AFAP1: variants seen among roughly 807,000 people sequenced by gnomAD.
AFAP1 encodes actin filament-associated protein 1.
In AFAP1, 75 loss-of-function variants were observed where a neutral mutation model predicts 93.9. The observed-to-expected ratio is 0.80, with a 90% CI of 0.66 to 0.97. AFAP1 has a LOEUF of 0.97. Ranked by LOEUF, AFAP1 falls within the 50% of genes least tolerant of loss-of-function variation. The probability of loss-of-function intolerance (pLI) is 0.00; values close to 1 mark genes in which losing one functional copy is unlikely to be tolerated. For synonymous variants in AFAP1, 517 were observed against 430.7 expected, an observed-to-expected ratio of 1.20 and a Z score of -2.48; for missense variants, 1,201 against 1,050.8, an observed-to-expected ratio of 1.14 and a Z score of -1.98.
chr4:7,935,681 C>A (rs1721335926), intron 1 of AFAP1, among the ~76,000 whole-genome samples: 1 of 152,176 alleles, frequency 6.6e-6, no homozygotes, highest in Non-Finnish European at 1.5e-5. Context: ...ATGAAACACT[C>A]CTAGCAGCCA....
At chr4:7,893,580 CAAAA>C (rs11331784) in intron 1 of AFAP1, among the ~76,000 whole-genome samples, 8 of 106,230 alleles carry the variant, frequency 7.5e-5, no homozygotes, top group Non-Finnish European at 1.1e-4. Context: ...GACTCTGTCT[CAAAA>C]AAAAAAAAAA....
chr4:7,775,594 A>T (rs1716019043), intron 14 of AFAP1: 1 of 148,964 alleles, frequency 6.7e-6, no homozygotes, highest in Non-Finnish European at 1.5e-5. Flanking sequence ...CCCGGCACGG[A>T]GTGTGGCACA....
chr4:7,769,014 C>A lies in AFAP1; in HGVS notation c.2254-6G>T. On this transcript the variant is annotated splice_region_variant and splice_polypyrimidine_tract_variant and intron_variant, in intron 16 of 17. Transcript: ENST00000420658. ...CGGTGCCGGAACACTGGAGACTTAA[C>A]GGAGAGAGAGAACCCCATGTGATGA... The A allele has an allele frequency of 6.3e-7, 1 of 1,599,358 alleles. No homozygotes were observed. The highest frequency in any genetic ancestry group is 8.6e-7 in the Non-Finnish European group (1 of 1,169,268).
At chr4:7,789,298 A>G (rs1485735459) in intron 11 of AFAP1, among the ~76,000 whole-genome samples, 5 of 152,168 alleles carry the variant, frequency 3.3e-5, no homozygotes, top group African/African-American at 1.2e-4. Flanking sequence ...ACCAGGAGAG[A>G]GTCAAGTGGA....
At chr4:7,807,357 C>A (rs188602169) in intron 9 of AFAP1, among the ~76,000 whole-genome samples, 6 of 152,324 alleles carry the variant, frequency 3.9e-5, no homozygotes, top group Non-Finnish European at 8.8e-5. Flanking sequence ...ACCTTCCATG[C>A]GCTCCAAGAA....
intron 17 of AFAP1, among the ~76,000 whole-genome samples, chr4:7,766,502 G>A (rs34271107): frequency 0.019 from 2,916 of 152,270 alleles, 47 homozygotes; most frequent in Middle Eastern, 0.041. Context: ...ATGAGAACCT[G>A]TATCCTCCAC....
intron 3 of AFAP1, among the ~76,000 whole-genome samples, chr4:7,860,273 G>C (rs1271781060): frequency 6.6e-6 from 1 of 151,624 alleles, no homozygotes; most frequent in Non-Finnish European, 1.5e-5. Context: ...TTTTGTGTGT[G>C]TGTGTGTATA....
rs562666765 is a variant in AFAP1, at chr4:7,767,182, G to A, written c.2418+1662C>T. Among the ~76,000 whole-genome samples, 328 of 152,262 alleles carry A rather than the reference G, an allele frequency of 2.2e-3. 3 individuals carry two copies. The highest frequency in any genetic ancestry group is 8.2e-3 in the Admixed American group (126 of 15,298). On this transcript the variant is annotated intron_variant, in intron 17 of 17. Coordinates refer to ENST00000420658, the MANE Select transcript of AFAP1 (RefSeq NM_001134647.2). ...AGCTGGAGGGACGAGAGCAGCTTCCGCTGTTTTCTGGACCTATCAGTGGGG... is the reference window on the plus strand; with the variant it reads ...AGCTGGAGGGACGAGAGCAGCTTCCACTGTTTTCTGGACCTATCAGTGGGG...
chr4:7,925,924 C>T (rs1006949872), intron 1 of AFAP1, among the ~76,000 whole-genome samples: 2 of 152,150 alleles, frequency 1.3e-5, no homozygotes, highest in Non-Finnish European at 2.9e-5. Context: ...CCTCTATCTT[C>T]ATCTTTAATA....
At chr4:7,926,721 C>T (rs1037899551) in intron 1 of AFAP1, among the ~76,000 whole-genome samples, 6 of 152,034 alleles carry the variant, frequency 3.9e-5, no homozygotes, top group African/African-American at 1.4e-4. Flanking sequence ...GTCAGCCCAG[C>T]CATTCCCCTT....
At chr4:7,912,649 G>T (rs1331598491) in intron 1 of AFAP1, among the ~76,000 whole-genome samples, 1 of 152,134 alleles carries the variant, frequency 6.6e-6, no homozygotes, top group African/African-American at 2.4e-5. Context: ...GCTAAATTTT[G>T]ATAGTTCTTT....
chr4:7,865,501 A>C (rs528272109), intron 3 of AFAP1, among the ~76,000 whole-genome samples: 1 of 152,338 alleles, frequency 6.6e-6, no homozygotes, highest in South Asian at 2.1e-4. Context: ...GGGCCTCATA[A>C]ATACCTTAAC....
chr4:7,784,403 C>A (rs1419590069), intron 12 of AFAP1, among the ~76,000 whole-genome samples: 1 of 152,102 alleles, frequency 6.6e-6, no homozygotes, highest in African/African-American at 2.4e-5. Flanking sequence ...CCTCCCAGGT[C>A]CACTCACCCC....
intron 3 of AFAP1, chr4:7,862,145 A>C (rs1336086224): frequency 2.6e-5 from 4 of 152,128 alleles, no homozygotes; most frequent in Admixed American, 1.3e-4. Context: ...CTAGCCTGGG[A>C]AACATGGAAA....
At chr4:7,851,394 C>A (rs1714422248) in intron 4 of AFAP1, among the ~76,000 whole-genome samples, 1 of 152,196 alleles carries the variant, frequency 6.6e-6, no homozygotes, top group South Asian at 2.1e-4. Flanking sequence ...CCCTCAACAA[C>A]CATTCATGAA....
intron 4 of AFAP1, among the ~76,000 whole-genome samples, chr4:7,845,846 C>T (rs755137935): frequency 2.6e-5 from 4 of 151,156 alleles, no homozygotes; most frequent in East Asian, 2.0e-4. Flanking sequence ...GAAAAACACT[C>T]CCCCTGCTGC....
chr4:7,765,578 G>A (rs867241970), intron 17 of AFAP1, among the ~76,000 whole-genome samples: 1 of 152,236 alleles, frequency 6.6e-6, no homozygotes, highest in Non-Finnish European at 1.5e-5. Flanking sequence ...GCTACTCATG[G>A]TCTCTGGAGC....
At chr4:7,811,607 A>T (rs1381011196) in intron 8 of AFAP1, among the ~76,000 whole-genome samples, 3 of 150,976 alleles carry the variant, frequency 2.0e-5, no homozygotes, top group African/African-American at 7.3e-5. Flanking sequence ...CCCACACTCC[A>T]CCCTCCCGCT....
intron 1 of AFAP1, among the ~76,000 whole-genome samples, chr4:7,931,412 G>A (rs917486030): frequency 2.0e-5 from 3 of 152,148 alleles, no homozygotes; most frequent in African/African-American, 4.8e-5. Context: ...GTTTTTCAGA[G>A]AGAGGGTCTT....
Sources: gnomAD v4.1 joint callset for allele counts (sites outside exome capture counted in the v4.1 genomes callset) on GRCh38, gnomAD v4.1.1 for gene constraint, MANE v1.5 for transcripts, NCBI Gene and HGNC (gene_info 2026-07-23, HGNC 2026-07-21) for gene names.